Variants in PCDH11X observed in about 807,000 individuals in gnomAD.
PCDH11X encodes protocadherin 11 X-linked.
A neutral mutation model predicts 53.3 loss-of-function variants in PCDH11X; 18 were observed. That is an observed-to-expected ratio of 0.34 (90% CI 0.23 to 0.50). The LOEUF is 0.50. PCDH11X is among the 20% of genes least tolerant of loss of function. The pLI, the probability that PCDH11X is intolerant of heterozygous loss-of-function variation, is 0.98. For synonymous variants in PCDH11X, 279 were observed against 393.3 expected (o/e 0.71, Z 3.44); for missense variants, 570 against 1,032.4 (o/e 0.55, Z 6.14).
intron 9 of PCDH11X, among the ~76,000 whole-genome samples, chrX:92,399,950 A>C (rs1603300542): frequency 9.8e-6 from 1 of 101,959 alleles, no homozygotes; most frequent in Non-Finnish European, 2.0e-5. Flanking sequence ...ATAGTGTTTC[A>C]CCGTGTTAGC....
chrX:92,326,329 A>C (rs1181193725), intron 8 of PCDH11X, among the ~76,000 whole-genome samples: 13 of 107,854 alleles, frequency 1.2e-4, no homozygotes, highest in African/African-American at 4.4e-4. Flanking sequence ...CTAGAGAAGC[A>C]GGTGAAAGTG....
chrX:91,855,789 T>G (rs1439088398), intron 5 of PCDH11X, among the ~76,000 whole-genome samples: 1 of 111,623 alleles, frequency 9.0e-6, no homozygotes, highest in Non-Finnish European at 1.9e-5. Flanking sequence ...TTTTAAATTC[T>G]TTGTCACATT....
chrX:92,056,636 G>C lies in PCDH11X; in HGVS notation c.3034-144739G>C, dbSNP rs755767962. Among the ~76,000 whole-genome samples the C allele has an allele frequency of 2.7e-5, 3 of 109,628 alleles. No individual in the cohort carries two copies. The South Asian group carries it at 1.2e-3, about 43-fold the overall frequency. On this transcript the variant is annotated intron_variant, in intron 6 of 10. Coordinates refer to ENST00000682573, the MANE Select transcript of PCDH11X (RefSeq NM_032968.5). ...CTATGTCCTGAATGGTATTGCCTAG[G>C]TTGTCTTCCGAGATTCTTATAGTTT...
intron 6 of PCDH11X, among the ~76,000 whole-genome samples, chrX:92,197,563 TA>T (rs2066312861): frequency 8.9e-6 from 1 of 111,837 alleles, no homozygotes; most frequent in South Asian, 3.7e-4. Context: ...AAAGTTTTTA[TA>T]AATGTAATCA....
intron 10 of PCDH11X, among the ~76,000 whole-genome samples, chrX:92,551,796 G>A (rs1273655240): frequency 4.5e-5 from 5 of 110,626 alleles, no homozygotes; most frequent in Non-Finnish European, 5.7e-5. Context: ...CTCATTTATT[G>A]AATAAACTGT....
In PCDH11X at chrX:92,596,086, A is replaced by G. The variant is rs1468363018; in HGVS notation, c.3368-22178A>G. Among the ~76,000 whole-genome samples the G allele has an allele frequency of 3.6e-5, 4 of 112,466 alleles. No individual in the cohort carries two copies. In the East Asian group the frequency reaches 8.4e-4, roughly 24 times the overall value. ...GACATTCAACTATACCAAAGATGGT[A>G]TATTTAATTTGCTCTTTCCTGTTTA... On this transcript the variant is annotated intron_variant, in intron 10 of 10. Coordinates refer to ENST00000682573, the MANE Select transcript of PCDH11X (RefSeq NM_032968.5).
chrX:92,241,768 A>G (rs1402080146), intron 7 of PCDH11X, among the ~76,000 whole-genome samples: 1 of 111,786 alleles, frequency 8.9e-6, no homozygotes, highest in Non-Finnish European at 1.9e-5. Context: ...AATAGTTTAC[A>G]TTGCAATTTT....
chrX:92,610,024 C>T (rs1927205881), intron 10 of PCDH11X, among the ~76,000 whole-genome samples: 2 of 111,864 alleles, frequency 1.8e-5, no homozygotes, highest in Non-Finnish European at 3.8e-5. Context: ...GACTCCATGT[C>T]TTTGCTATTG....
chrX:92,473,652 T>G (rs894551658), intron 10 of PCDH11X, among the ~76,000 whole-genome samples: 2 of 110,926 alleles, frequency 1.8e-5, no homozygotes, highest in Non-Finnish European at 3.8e-5. Context: ...GTGTGTCCAT[T>G]ATAATTTGTT....
intron 10 of PCDH11X, among the ~76,000 whole-genome samples, chrX:92,470,013 A>G (rs1248782293): frequency 1.8e-5 from 2 of 108,762 alleles, no homozygotes; most frequent in Non-Finnish European, 3.8e-5. Flanking sequence ...TATCTTAACA[A>G]TATTTATTTT....
At chrX:92,415,926 A>C (rs180921099) in intron 9 of PCDH11X, among the ~76,000 whole-genome samples, 24 of 112,131 alleles carry the variant, frequency 2.1e-4, no homozygotes, top group African/African-American at 7.7e-4. Flanking sequence ...TTATATTATT[A>C]GGAAATAAAA....
At position 92,430,463 on chromosome X, in the gene PCDH11X, G is replaced by A. The variant is rs2072227109; in HGVS notation, c.3344-37836G>A. On this transcript the variant is annotated intron_variant, in intron 9 of 10. Transcript: ENST00000682573. ...TTTCACTAATTATGTCCAAGGGTGAGCTACCTTGGCCAATAGAACAACTTG... is the reference window on the plus strand; with the variant it reads ...TTTCACTAATTATGTCCAAGGGTGAACTACCTTGGCCAATAGAACAACTTG... 2.2e-5 allele frequency among the ~76,000 whole-genome samples: 2 copies of A among 91,534 alleles called. 1 individual carries two copies. The highest frequency in any genetic ancestry group is 2.2e-4 in the Admixed American group (2 of 9,127). 79.5% of individuals were successfully genotyped at this position (91,534 alleles called of 115,157 possible). A position where few individuals can be genotyped will look rare whatever the true frequency, so the allele number is the denominator to read the frequency against.
Position 92,229,587 on chromosome X carries a change from T to G in PCDH11X, c.3114+28132T>G, listed in dbSNP as rs1018969576. 3.6e-5 allele frequency among the ~76,000 whole-genome samples: 4 copies of G among 111,502 alleles called. No individual in the cohort carries two copies. In the Admixed American group the frequency reaches 3.8e-4, roughly 11 times the overall value. ...AGAAGAAAAACTCTAGACTTAAAAC[T>G]TTCATGACAGCACCTGAAATAAATC... On this transcript the variant is annotated intron_variant, in intron 7 of 10. Transcript: ENST00000682573.
intron 1 of PCDH11X, among the ~76,000 whole-genome samples, chrX:91,795,450 C>A (rs1251498430): frequency 9.1e-6 from 1 of 109,530 alleles, no homozygotes; most frequent in African/African-American, 3.3e-5. Context: ...ATCATATAGC[C>A]CAAAATAGTC....
At chrX:92,254,569 C>T (rs773685669) in intron 7 of PCDH11X, among the ~76,000 whole-genome samples, 11 of 108,743 alleles carry the variant, frequency 1.0e-4, no homozygotes, top group East Asian at 2.9e-4. Flanking sequence ...GATTTTGCAG[C>T]GGCTGGTACC....
At chrX:92,093,737 A>G in intron 6 of PCDH11X, among the ~76,000 whole-genome samples, 1 of 111,179 alleles carries the variant, frequency 9.0e-6, no homozygotes, top group Non-Finnish European at 1.9e-5. Context: ...CAGATTTGCC[A>G]CCAAGAATGA....
chrX:92,131,721 T>C (rs1483632748), intron 6 of PCDH11X, among the ~76,000 whole-genome samples: 1 of 111,348 alleles, frequency 9.0e-6, no homozygotes, highest in African/African-American at 3.3e-5. Flanking sequence ...TCAGTACATT[T>C]ACTTAATCCA....
chrX:92,179,286 TTATAAA>T, intron 6 of PCDH11X, among the ~76,000 whole-genome samples: 1 of 112,454 alleles, frequency 8.9e-6, no homozygotes, highest in Non-Finnish European at 1.9e-5. Context: ...TTTCTGAAGT[TTATAAA>T]TATATAAAGG....
chrX:92,061,977 T>G (rs1265595246), intron 6 of PCDH11X, among the ~76,000 whole-genome samples: 1 of 111,795 alleles, frequency 8.9e-6, no homozygotes, highest in East Asian at 2.8e-4. Flanking sequence ...TTTGTTTGTG[T>G]CATCTCTGAT....
Sources: gnomAD v4.1 joint callset for allele counts (sites outside exome capture counted in the v4.1 genomes callset) on GRCh38, gnomAD v4.1.1 for gene constraint, MANE v1.5 for transcripts, NCBI Gene and HGNC (gene_info 2026-07-23, HGNC 2026-07-21) for gene names.